Variants in SEC31A observed in about 807,000 individuals in gnomAD.
SEC31A encodes SEC31 homolog A, COPII component.
SEC31A carries 70 observed loss-of-function variants against 151.0 expected under a neutral mutation model. That is an observed-to-expected ratio of 0.46 (90% CI 0.38 to 0.57). The LOEUF is 0.57. Ranked by LOEUF, SEC31A falls within the 20% of genes least tolerant of loss-of-function variation. The pLI is 0.00. For missense variants in SEC31A, 1,330 were observed against 1,471.2 expected, an observed-to-expected ratio of 0.90 and a Z score of 1.57; for synonymous variants, 475 against 505.9, an observed-to-expected ratio of 0.94 and a Z score of 0.82.
chr4:82,829,328 G>C, intron 22 of SEC31A: 1 of 312,584 alleles, frequency 3.2e-6, no homozygotes, highest in Non-Finnish European at 5.9e-6. Context: ...GGGTGGTGAA[G>C]TTTTTATTTA....
chr4:82,875,580 A>G, intron 5 of SEC31A, 147 bp downstream of exon 5: 1 of 605,774 alleles, frequency 1.7e-6, no homozygotes, highest in Non-Finnish European at 2.9e-6. Flanking sequence ...CATATTTATT[A>G]ATTACTGAAG....
chr4:82,898,775 T>C (rs1241193690), intron 3 of SEC31A, among the ~76,000 whole-genome samples: 3 of 152,182 alleles, frequency 2.0e-5, no homozygotes, highest in East Asian at 1.9e-4. Context: ...CCACTGCTGG[T>C]GGGAATGTAA....
At chr4:82,819,767 ATTT>A (rs70943155) in intron 26 of SEC31A, among the ~76,000 whole-genome samples, 1 of 147,450 alleles carries the variant, frequency 6.8e-6, no homozygotes, top group Non-Finnish European at 1.5e-5. Context: ...CTTTATTTGG[ATTT>A]TTTTTTTTTG....
intron 1 of SEC31A, among the ~76,000 whole-genome samples, chr4:82,886,383 G>T (rs1199007381): frequency 6.6e-6 from 1 of 152,160 alleles, no homozygotes; most frequent in African/African-American, 2.4e-5. Flanking sequence ...TCGTAAAATA[G>T]GGAAAAGAGT....
At chr4:82,880,618 A>T in intron 3 of SEC31A, 181 bp downstream of exon 3, 1 of 496,384 alleles carries the variant, frequency 2.0e-6, no homozygotes, top group Non-Finnish European at 3.4e-6. Flanking sequence ...AAAAGTCAAT[A>T]GAACACATAA....
intron 23 of SEC31A, 149 bp downstream of exon 23, chr4:82,828,851 G>A (rs1303532194): frequency 3.6e-6 from 2 of 548,538 alleles, no homozygotes; most frequent in Non-Finnish European, 6.6e-6. Flanking sequence ...TCCTTCCATG[G>A]ATTAGAAGGT....
chr4:82,824,867 C>T (rs1331644027), intron 24 of SEC31A, among the ~76,000 whole-genome samples, 193 bp from the exon 25 acceptor site: 1 of 152,120 alleles, frequency 6.6e-6, no homozygotes, highest in Admixed American at 6.6e-5. Context: ...AAAGTGTAGG[C>T]GCTCTTCCTA....
At chr4:82,837,894 C>CA (rs1727816397) in intron 22 of SEC31A, among the ~76,000 whole-genome samples, 1 of 152,112 alleles carries the variant, frequency 6.6e-6, no homozygotes, top group African/African-American at 2.4e-5. Context: ...TCAGTGGACT[C>CA]AGGGAAAATG....
chr4:82,866,688 A>T, intron 10 of SEC31A, 120 bp downstream of exon 10: 2 of 883,966 alleles, frequency 2.3e-6, no homozygotes, highest in Non-Finnish European at 3.3e-6. Flanking sequence ...TGAAATACCC[A>T]CAAGTACATC....
At chr4:82,881,074 G>A (rs1176586705) in intron 2 of SEC31A, 152 bp from the exon 3 acceptor site, 3 of 648,616 alleles carry the variant, frequency 4.6e-6, no homozygotes, top group Non-Finnish European at 7.9e-6. Context: ...CTATAGCAAT[G>A]AGATTCTGGC....
intron 11 of SEC31A, among the ~76,000 whole-genome samples, 175 bp from the exon 12 acceptor site, chr4:82,863,567 G>T (rs1456026420): frequency 6.6e-6 from 1 of 151,900 alleles, no homozygotes; most frequent in Non-Finnish European, 1.5e-5. Context: ...TTTATTTGGA[G>T]ACCCAGCCTC....
chr4:82,891,271 C>T, upstream of SEC31A: 1 of 1,227,306 alleles, frequency 8.1e-7, no homozygotes, highest in Non-Finnish European at 1.1e-6. Context: ...TCCCCGCCCA[C>T]CCGACGCACA....
At chr4:82,839,110 G>A (rs944696929) in intron 22 of SEC31A, among the ~76,000 whole-genome samples, 1 of 151,998 alleles carries the variant, frequency 6.6e-6, no homozygotes, top group African/African-American at 2.4e-5. Context: ...CTGAGTAGCT[G>A]GGATTGTAGG....
intron 21 of SEC31A, 47 bp from the exon 22 acceptor site, chr4:82,842,528 T>C: frequency 7.0e-7 from 1 of 1,432,592 alleles, no homozygotes; most frequent in South Asian, 1.3e-5. Flanking sequence ...TACAAGTTTA[T>C]TCAGATAGTA....
At chr4:82,891,225 A>ACGCCCTG, upstream of SEC31A, 1 of 1,497,826 alleles carries the variant, frequency 6.7e-7, no homozygotes. Flanking sequence ...AGCCGCAGCC[A>ACGCCCTG]CGCCCTGCGC....
intron 2 of SEC31A, among the ~76,000 whole-genome samples, chr4:82,881,437 G>C (rs1417659062): frequency 3.3e-5 from 5 of 151,652 alleles, no homozygotes; most frequent in Non-Finnish European, 7.4e-5. Flanking sequence ...TGCATTCCAG[G>C]CTGGGCGAAA....
At chr4:82,886,848 CT>C (rs1740839629) in intron 1 of SEC31A, among the ~76,000 whole-genome samples, 1 of 152,088 alleles carries the variant, frequency 6.6e-6, no homozygotes, top group Non-Finnish European at 1.5e-5. Context: ...TTCCAATTAC[CT>C]TTTTTTAACC....
At chr4:82,875,962 G>C (rs1737818645) in intron 4 of SEC31A, 140 bp from the exon 5 acceptor site, 2 of 448,298 alleles carry the variant, frequency 4.5e-6, no homozygotes, top group African/African-American at 2.0e-5. Context: ...ACATATGCAT[G>C]AATTTCTAAA....
At chr4:82,851,155 A>G (rs1731364349) in intron 19 of SEC31A, among the ~76,000 whole-genome samples, 1 of 152,258 alleles carries the variant, frequency 6.6e-6, no homozygotes, top group Non-Finnish European at 1.5e-5. Flanking sequence ...GGCTTTAGAA[A>G]TAAAAAGTTG....
Sources: gnomAD v4.1 joint callset for allele counts (sites outside exome capture counted in the v4.1 genomes callset) on GRCh38, gnomAD v4.1.1 for gene constraint, MANE v1.5 for transcripts, NCBI Gene and HGNC (gene_info 2026-07-23, HGNC 2026-07-21) for gene names.